Variants in PDE3A observed in about 807,000 individuals in gnomAD.
PDE3A encodes phosphodiesterase 3A.
PDE3A carries 43 observed loss-of-function variants against 98.3 expected under a neutral mutation model. The ratio of observed to expected loss-of-function variants is 0.44; its 90% confidence interval spans 0.34 to 0.56. PDE3A has a LOEUF of 0.56. PDE3A is among the 20% of genes least tolerant of loss of function. The pLI is 0.01. For synonymous variants in PDE3A, 663 were observed against 567.9 expected (o/e 1.17, Z -2.38); for missense variants, 1,427 against 1,440.7 (o/e 0.99, Z 0.15).
At chr12:20,627,301 T>G (rs1316202643) in intron 5 of PDE3A, among the ~76,000 whole-genome samples, 3 of 152,144 alleles carry the variant, frequency 2.0e-5, no homozygotes, top group Non-Finnish European at 4.4e-5. Context: ...CAATTACTTT[T>G]CATTGCAAAA....
At chr12:20,664,373 G>T (rs1003350335) in intron 15 of PDE3A, among the ~76,000 whole-genome samples, 6 of 152,106 alleles carry the variant, frequency 3.9e-5, no homozygotes, top group African/African-American at 1.2e-4. Flanking sequence ...TATTCTGGTT[G>T]CTTGGAAAAG....
At chr12:20,619,868 A>T (rs111431039) in intron 4 of PDE3A, among the ~76,000 whole-genome samples, 2,725 of 152,198 alleles carry the variant, frequency 0.018, 93 homozygotes, top group African/African-American at 0.063. Flanking sequence ...GGAAAAAAAA[A>T]ATTGAGATAA....
intron 3 of PDE3A, among the ~76,000 whole-genome samples, chr12:20,615,326 TAAG>T (rs1943977388): frequency 1.3e-5 from 2 of 152,108 alleles, no homozygotes; most frequent in Non-Finnish European, 2.9e-5. Context: ...GGAGAAGAAA[TAAG>T]AAGGGGAACA....
chr12:20,661,620 AGGTACAGCTTGGGCTGTTGCTTGAGAG>A (rs1463301597), intron 15 of PDE3A, among the ~76,000 whole-genome samples: 1 of 152,212 alleles, frequency 6.6e-6, no homozygotes, highest in East Asian at 1.9e-4. Context: ...AAAGAGGCCA[AGGTACAGCTTGGGCTGTTGCTTGAGAG>A]GGTGGACGCC....
chr12:20,534,962 T>A (rs1389454962), intron 1 of PDE3A, among the ~76,000 whole-genome samples: 1 of 152,194 alleles, frequency 6.6e-6, no homozygotes, highest in Non-Finnish European at 1.5e-5. Flanking sequence ...AGAATAGGTA[T>A]GAACTTTAAT....
intron 1 of PDE3A, among the ~76,000 whole-genome samples, chr12:20,414,047 T>A (rs973482537): frequency 6.6e-6 from 1 of 152,202 alleles, no homozygotes; most frequent in African/African-American, 2.4e-5. Context: ...CAGAATGTGA[T>A]TCCTGAGATG....
At chr12:20,376,272 T>C (rs563069959) in intron 1 of PDE3A, among the ~76,000 whole-genome samples, 2 of 151,984 alleles carry the variant, frequency 1.3e-5, no homozygotes, top group East Asian at 3.9e-4. Flanking sequence ...GAGTTAGCTA[T>C]ATGTGTGAAG....
At chr12:20,560,897 A>G (rs1942500628) in intron 2 of PDE3A, among the ~76,000 whole-genome samples, 1 of 150,930 alleles carries the variant, frequency 6.6e-6, no homozygotes, top group Non-Finnish European at 1.5e-5. Context: ...ACACTATATC[A>G]GAGAAACTGG....
intron 1 of PDE3A, among the ~76,000 whole-genome samples, chr12:20,510,858 T>C (rs909596987): frequency 2.0e-5 from 3 of 152,094 alleles, no homozygotes; most frequent in Admixed American, 6.6e-5. Flanking sequence ...ACATGTTATT[T>C]ATATGTCTTC....
intron 1 of PDE3A, among the ~76,000 whole-genome samples, chr12:20,470,714 G>A (rs896132348): frequency 6.6e-6 from 1 of 152,084 alleles, no homozygotes; most frequent in African/African-American, 2.4e-5. Context: ...TCTTGAATAA[G>A]CATCAAAATC....
chr12:20,663,247 AG>A (rs948637370), intron 15 of PDE3A, among the ~76,000 whole-genome samples: 5 of 152,234 alleles, frequency 3.3e-5, no homozygotes, highest in Admixed American at 3.3e-4. Context: ...GCCCTCATGG[AG>A]AACCTCTGCT....
intron 15 of PDE3A, among the ~76,000 whole-genome samples, 152 bp from the exon 16 acceptor site, chr12:20,679,877 TA>T (rs1450109017): frequency 2.1e-5 from 2 of 93,720 alleles, no homozygotes; most frequent in African/African-American, 1.1e-4. Flanking sequence ...TTATAATATA[TA>T]TATTATATAT....
Position 20,478,098 on chromosome 12 carries a change from G to A in PDE3A, c.961-78562G>A, listed in dbSNP as rs148386676. ...CCAAAATAGTCTGTCAACAATTACA[G>A]TATTTATAATAATAATTGTGAGAGA... is the stretch of plus-strand genomic sequence containing the variant. On this transcript the variant is annotated intron_variant, in intron 1 of 15. Transcript: ENST00000359062. Among the ~76,000 whole-genome samples, 11 of 152,272 alleles carry A rather than the reference G, an allele frequency of 7.2e-5. No individual in the cohort carries two copies. The East Asian group carries it at 1.9e-3, about 27-fold the overall frequency.
chr12:20,665,448 T>A (rs997008816), intron 15 of PDE3A, among the ~76,000 whole-genome samples: 1 of 152,238 alleles, frequency 6.6e-6, no homozygotes, highest in African/African-American at 2.4e-5. Context: ...AATCATTTGG[T>A]CAAAGAAAAT....
intron 2 of PDE3A, among the ~76,000 whole-genome samples, chr12:20,559,908 C>G (rs1027283093): frequency 6.6e-6 from 1 of 152,074 alleles, no homozygotes; most frequent in Non-Finnish European, 1.5e-5. Flanking sequence ...TTTATAACTT[C>G]TGTATAAATG....
In PDE3A at chr12:20,481,764, A is replaced by ATTTTTTTTTTTTTTTTTT. The variant is rs10657239; in HGVS notation, c.961-74891_961-74874dup. On this transcript the variant is annotated intron_variant, in intron 1 of 15. Transcript: ENST00000359062. ...TCCATGTAAGTGACTTGGGAAATAG[A>ATTTTTTTTTTTTTTTTTT]TTTTTTTTTTTTTTTTTTTTTTGAG... is the stretch of plus-strand genomic sequence containing the variant. Among the ~76,000 whole-genome samples, 4 of 79,594 alleles carry ATTTTTTTTTTTTTTTTTT rather than the reference A, an allele frequency of 5.0e-5. 1 individual carries two copies. The highest frequency in any genetic ancestry group is 1.6e-4 in the African/African-American group (3 of 19,306). 52.2% of individuals were successfully genotyped at this position (79,594 alleles called of 152,430 possible).
chr12:20,674,782 A>G (rs562172546), intron 15 of PDE3A, among the ~76,000 whole-genome samples: 6 of 151,954 alleles, frequency 3.9e-5, no homozygotes, highest in African/African-American at 1.4e-4. Flanking sequence ...CTGTGCTATC[A>G]GTTATAATGT....
At chr12:20,452,512 T>C (rs1395063347) in intron 1 of PDE3A, among the ~76,000 whole-genome samples, 3 of 152,230 alleles carry the variant, frequency 2.0e-5, no homozygotes, top group Non-Finnish European at 2.9e-5. Context: ...ATTCTTGTTT[T>C]CTTTACTCAT....
chr12:20,637,844 G>A (rs1197634589), intron 9 of PDE3A, among the ~76,000 whole-genome samples: 1 of 152,034 alleles, frequency 6.6e-6, no homozygotes, highest in Non-Finnish European at 1.5e-5. Flanking sequence ...AAAACATGTA[G>A]AAATTAAGAA....
Sources: allele counts gnomAD v4.1 joint callset (sites outside exome capture counted in the v4.1 genomes callset), GRCh38; gene constraint gnomAD v4.1.1; transcripts MANE v1.5; gene names NCBI Gene and HGNC (gene_info 2026-07-23, HGNC 2026-07-21).